GALNT9: variants seen among roughly 807,000 people sequenced by gnomAD.
The protein encoded by GALNT9 is polypeptide N-acetylgalactosaminyltransferase 9.
Under a neutral mutation model 63.1 loss-of-function variants are expected in GALNT9, and 47 were observed. The observed-to-expected ratio is 0.75, with a 90% CI of 0.59 to 0.95. The LOEUF is 0.95. Ranked by LOEUF, GALNT9 falls within the 40% of genes least tolerant of loss-of-function variation. GALNT9 has a pLI of 0.00. For synonymous variants in GALNT9, 396 were observed against 365.7 expected (o/e 1.08, Z -0.94); for missense variants, 829 against 874.8 (o/e 0.95, Z 0.66).
In GALNT9 at chr12:132,261,069, C is replaced by T. The variant is rs1444646126; in HGVS notation, c.640G>A (p.Val214Met). ...CGCCGGCTGTTGCGGACAATCTTCA[C>T]GAGGCCTGGGTACCGCTTGTTGACG... ...QYVNKRYPGL[V>M]KIVRNSRREG... The change falls in exon 4 of 11, where the codon GTG (valine) becomes ATG (methionine). Residue 214 changes from valine to methionine, a missense_variant. Transcript: ENST00000328957. 2.6e-6 allele frequency: 4 copies of T among 1,551,582 alleles called. No homozygotes were observed. Among genetic ancestry groups the T allele is most frequent in the South Asian group, 2.4e-5 (2 of 84,056 alleles).
chr12:132,259,191 G>A (rs1221731431), intron 4 of GALNT9, among the ~76,000 whole-genome samples: 1 of 152,226 alleles, frequency 6.6e-6, no homozygotes, highest in Non-Finnish European at 1.5e-5. Flanking sequence ...GTTACGGGAG[G>A]GGGTGCTATT....
chr12:132,207,014 A>G (rs1235750732), intron 6 of GALNT9, among the ~76,000 whole-genome samples: 1 of 152,206 alleles, frequency 6.6e-6, no homozygotes, highest in Admixed American at 6.5e-5. Context: ...GCAGTGAGCC[A>G]AGATCACGTA....
intron 2 of GALNT9, among the ~76,000 whole-genome samples, chr12:132,285,678 G>A (rs897179747): frequency 1.6e-4 from 24 of 152,372 alleles, no homozygotes; most frequent in Middle Eastern, 6.8e-3. Flanking sequence ...GGCTGGCAGG[G>A]CCTGACACAG....
chr12:132,250,754 G>T (rs868918427), intron 5 of GALNT9, among the ~76,000 whole-genome samples: 2 of 152,196 alleles, frequency 1.3e-5, no homozygotes, highest in Non-Finnish European at 2.9e-5. Flanking sequence ...TGACGCCACT[G>T]CACTCCAGCC....
At chr12:132,197,284 G>A (rs1220324383) in intron 10 of GALNT9, 31 bp from the exon 11 acceptor site, 4 of 1,604,756 alleles carry the variant, frequency 2.5e-6, no homozygotes, top group African/African-American at 1.3e-5. Context: ...AGTCAGCCAG[G>A]TGCAGGCGTC....
chr12:132,258,050 C>T (rs1879207475), intron 4 of GALNT9, among the ~76,000 whole-genome samples, 164 bp from the exon 5 acceptor site: 1 of 152,192 alleles, frequency 6.6e-6, no homozygotes, highest in Non-Finnish European at 1.5e-5. Context: ...AGCCCAAGGG[C>T]CCCTCTCAGC....
intron 1 of GALNT9, among the ~76,000 whole-genome samples, chr12:132,326,404 A>C (rs1484647556): frequency 2.0e-5 from 3 of 152,234 alleles, no homozygotes; most frequent in African/African-American, 7.2e-5. Context: ...TCCTTAATGA[A>C]CATCCCTCTG....
chr12:132,254,405 G>A lies in GALNT9; in HGVS notation c.959+3284C>T, dbSNP rs77084696. On this transcript the variant is annotated intron_variant, in intron 5 of 10. Coordinates refer to ENST00000328957, the MANE Select transcript of GALNT9 (RefSeq NM_001122636.2). Reference sequence around the variant, plus strand: ...AGCAGAATGTGTTCTCAGTTTCAGCGATGATCAGCATCGTGTCCTTCTTAT... The same window carrying A: ...AGCAGAATGTGTTCTCAGTTTCAGCAATGATCAGCATCGTGTCCTTCTTAT... 8.2e-3 allele frequency among the ~76,000 whole-genome samples: 1,253 copies of A among 152,328 alleles called. 23 individuals carry two copies. Among genetic ancestry groups the A allele is most frequent in the African/African-American group, 0.029 (1,189 of 41,576 alleles).
chr12:132,291,662 C>T (rs1369899795), intron 1 of GALNT9, among the ~76,000 whole-genome samples: 6 of 99,218 alleles, frequency 6.0e-5, no homozygotes, highest in African/African-American at 1.9e-4. Flanking sequence ...AGGTCCACAC[C>T]GCCCACATCC....
chr12:132,311,620 A>G (rs1277727963), intron 1 of GALNT9, among the ~76,000 whole-genome samples: 1 of 152,232 alleles, frequency 6.6e-6, no homozygotes, highest in Non-Finnish European at 1.5e-5. Context: ...TGTGGACTCC[A>G]GGCCAGGGCA....
In GALNT9 at chr12:132,196,625, G is replaced by A. The variant is rs1875524242; in HGVS notation, c.*482C>T. 1 of 991,588 alleles carries A rather than the reference G, an allele frequency of 1.0e-6. No individual in the cohort carries two copies. The highest frequency in any genetic ancestry group is 1.2e-6 in the Non-Finnish European group (1 of 834,012). The allele number at this position is 991,588 out of a possible 1,614,324, so 61.4% of individuals were successfully genotyped here. On this transcript the variant is annotated 3_prime_UTR_variant, in exon 11 of 11. Transcript: ENST00000328957. ...CAGCACCCCTCTTACCAGACCACAA[G>A]GAGCTGCATTATGATGTGTGACTTA...
intron 6 of GALNT9, among the ~76,000 whole-genome samples, chr12:132,219,893 A>AAGGGGAAGGGGCACCTCCCCAGGGCGG (rs1565991256): frequency 1.4e-4 from 12 of 87,398 alleles, no homozygotes; most frequent in Admixed American, 2.2e-4. Context: ...CCCCAGGGTG[A>AAGGGGAAGGGGCACCTCCCCAGGGCGG]CACCCGCCTG....
chr12:132,258,967 G>A (rs1879259868), intron 4 of GALNT9, among the ~76,000 whole-genome samples: 1 of 152,370 alleles, frequency 6.6e-6, no homozygotes, highest in South Asian at 2.1e-4. Flanking sequence ...GGCAGAGCCG[G>A]CATGGGGAGA....
chr12:132,207,018 T>C (rs1876737854), intron 6 of GALNT9, among the ~76,000 whole-genome samples: 1 of 152,136 alleles, frequency 6.6e-6, no homozygotes, highest in Admixed American at 6.5e-5. Flanking sequence ...TGAGCCAAGA[T>C]CACGTAACGC....
rs781847912 is a variant in GALNT9, at chr12:132,310,260, C to T, written c.238+18706G>A. On this transcript the variant is annotated intron_variant, in intron 1 of 10. Transcript: ENST00000328957. This position sits in a 1 kb window ranked among gnomAD's most constrained non-coding sequence, Gnocchi z 4.8. Reference sequence around the variant, plus strand: ...AGCCCTCCAGGTCTCACCGGCCACACCGCGGTTCGGCATTTCAGTTGGGGT... The same window carrying T: ...AGCCCTCCAGGTCTCACCGGCCACATCGCGGTTCGGCATTTCAGTTGGGGT... 1.4e-4 allele frequency among the ~76,000 whole-genome samples: 21 copies of T among 152,180 alleles called. No homozygotes were observed. The highest frequency in any genetic ancestry group is 2.4e-4 in the Non-Finnish European group (16 of 68,050).
At chr12:132,227,018 C>T (rs1347001754) in intron 6 of GALNT9, among the ~76,000 whole-genome samples, 1 of 151,362 alleles carries the variant, frequency 6.6e-6, no homozygotes, top group Non-Finnish European at 1.5e-5. Flanking sequence ...CACATACATA[C>T]ACCCCATACA....
chr12:132,294,876 G>C (rs1256850167), intron 1 of GALNT9, among the ~76,000 whole-genome samples: 1 of 152,244 alleles, frequency 6.6e-6, no homozygotes, highest in Non-Finnish European at 1.5e-5. Context: ...GATTTCTGGA[G>C]CTCTCATCTT....
chr12:132,299,229 A>C (rs1881199631), intron 1 of GALNT9, among the ~76,000 whole-genome samples: 2 of 128,896 alleles, frequency 1.6e-5, no homozygotes, highest in South Asian at 2.9e-4. Flanking sequence ...ACCCACTCCC[A>C]CCACACCTAA....
chr12:132,325,903 G>A (rs528260937), intron 1 of GALNT9, among the ~76,000 whole-genome samples: 4 of 152,382 alleles, frequency 2.6e-5, no homozygotes, highest in African/African-American at 7.2e-5. Flanking sequence ...CCAGGCAGGG[G>A]TGATTCTCCT....
Sources: allele counts gnomAD v4.1 joint callset (sites outside exome capture counted in the v4.1 genomes callset), GRCh38; gene constraint gnomAD v4.1.1; non-coding constraint Gnocchi (gnomAD v3.1); transcripts MANE v1.5; gene names NCBI Gene and HGNC (gene_info 2026-07-23, HGNC 2026-07-21).